HMCN1: variants seen among roughly 807,000 people sequenced by gnomAD.
The protein encoded by HMCN1 is hemicentin-1.
Under a neutral mutation model 625.9 loss-of-function variants are expected in HMCN1, and 321 were observed. The ratio of observed to expected loss-of-function variants is 0.51; its 90% CI spans 0.47 to 0.56. The LOEUF is 0.56. HMCN1 is among the 20% of genes least tolerant of loss of function. HMCN1 has a pLI of 0.00. For synonymous variants in HMCN1, 2,425 were observed against 2,417.6 expected, an observed-to-expected ratio of 1.00 and a Z score of -0.09; for missense variants, 6,588 against 6,887.3, an observed-to-expected ratio of 0.96 and a Z score of 1.54.
intron 1 of HMCN1, among the ~76,000 whole-genome samples, chr1:185,758,452 A>G (rs1478342165): frequency 6.6e-6 from 1 of 152,126 alleles, no homozygotes; most frequent in Non-Finnish European, 1.5e-5. Flanking sequence ...CTTGGGTGAC[A>G]TGGCAAAACT....
chr1:186,075,399 G>A (rs1283347944), intron 53 of HMCN1, among the ~76,000 whole-genome samples: 1 of 151,876 alleles, frequency 6.6e-6, no homozygotes, highest in East Asian at 1.9e-4. Flanking sequence ...ATAAATAAAT[G>A]TAAAAATAAA....
chr1:185,876,431 G>A (rs1193456312), intron 4 of HMCN1, among the ~76,000 whole-genome samples: 2 of 152,030 alleles, frequency 1.3e-5, no homozygotes, highest in African/African-American at 4.8e-5. Flanking sequence ...ATATCCAGTA[G>A]TGGGTTTGCT....
chr1:186,016,643 T>C (rs1438932076), intron 32 of HMCN1, among the ~76,000 whole-genome samples: 3 of 152,092 alleles, frequency 2.0e-5, no homozygotes, highest in Admixed American at 1.3e-4. Context: ...TTTGAATAGA[T>C]GCCCAATTTT....
chr1:186,112,921 A>G lies in HMCN1; in HGVS notation c.11099A>G (p.Lys3700Arg). The change falls in exon 72 of 107, where the codon AAG (lysine) becomes AGG (arginine). Residue 3700 changes from lysine to arginine, a missense_variant. By Grantham distance (26) the Lys-to-Arg change is conservative. Around this residue, in one of 3 missense-constraint regions of HMCN1, gnomAD observed 4,628 missense variants for 4,853.1 expected, o/e 0.95. Transcript: ENST00000271588. ...YTCVASNIAG[K>R]TTREFILTVN... The stretch of plus-strand genomic sequence containing the variant: ...TGTGTTGCCAGCAACATTGCAGGAA[A>G]GACTACAAGAGAATTTATTCTCACT... 6.2e-7 allele frequency: 1 copy of G among 1,614,176 alleles called. No individual in the cohort carries two copies. Among genetic ancestry groups the G allele is most frequent in the Non-Finnish European group, 8.5e-7 (1 of 1,180,012 alleles).
intron 4 of HMCN1, among the ~76,000 whole-genome samples, chr1:185,905,246 CTT>C: frequency 6.6e-6 from 1 of 151,742 alleles, no homozygotes; most frequent in African/African-American, 2.4e-5. Flanking sequence ...TTCTCTCTCT[CTT>C]GTCCTTTTCT....
chr1:186,164,796 G>A lies in HMCN1; in HGVS notation c.15257-315G>A, dbSNP rs1651772288. ...GCAATGGCTGGAAGAACAGGACTTT[G>A]CCCATGGTTATGCCTGGCATATACA... is the stretch of plus-strand genomic sequence containing the variant. On this transcript the variant is annotated intron_variant, in intron 97 of 106. Transcript: ENST00000271588. Among the ~76,000 whole-genome samples the A allele has an allele frequency of 2.6e-5, 4 of 152,288 alleles. No homozygotes were observed. In the South Asian group the frequency reaches 8.3e-4, roughly 32 times the overall value.
intron 41 of HMCN1, among the ~76,000 whole-genome samples, chr1:186,047,475 T>A (rs1656652806): frequency 6.6e-6 from 1 of 152,140 alleles, no homozygotes; most frequent in Non-Finnish European, 1.5e-5. Context: ...AACACAATCC[T>A]AATTAGTCAG....
intron 11 of HMCN1, among the ~76,000 whole-genome samples, chr1:185,942,096 C>T (rs903936116): frequency 6.7e-6 from 1 of 149,170 alleles, no homozygotes; most frequent in South Asian, 2.1e-4. Flanking sequence ...GAGGATGAGG[C>T]GGGAGAATCA....
chr1:185,779,480 G>C (rs1267792756), intron 1 of HMCN1, among the ~76,000 whole-genome samples: 1 of 152,194 alleles, frequency 6.6e-6, no homozygotes, highest in Non-Finnish European at 1.5e-5. Context: ...ATGGTTTTAG[G>C]TCTAACATTT....
rs1384543195 is a variant in HMCN1, at chr1:186,041,017, T to C, written c.6185T>C (p.Leu2062Pro). ...TAGCGTTCTTACCATTGATAGGTTC[T>C]CTCTGGTGGTCGAATCCTAGCATTG... ...VSSFSNGLQV[L>P]SGGRILALTS... is the part of the protein sequence containing the mutation. The change falls in exon 40 of 107, where the codon CTC becomes CCC. Residue 2062 changes from leucine to proline, a missense_variant. Around this residue, in one of 3 missense-constraint regions of HMCN1, gnomAD observed 4,628 missense variants for 4,853.1 expected, o/e 0.95. Coordinates refer to ENST00000271588, the MANE Select transcript of HMCN1 (RefSeq NM_031935.3). 1.2e-6 allele frequency: 2 copies of C among 1,612,960 alleles called. No individual in the cohort carries two copies. The highest frequency in any genetic ancestry group is 1.7e-6 in the Non-Finnish European group (2 of 1,179,190).
intron 4 of HMCN1, among the ~76,000 whole-genome samples, chr1:185,900,839 G>A (rs1007156397): frequency 1.3e-5 from 2 of 151,790 alleles, no homozygotes; most frequent in African/African-American, 4.8e-5. Flanking sequence ...TCCTTTTATT[G>A]TCCGAAGGGC....
At chr1:186,184,005 C>G (rs931070598) in intron 105 of HMCN1, among the ~76,000 whole-genome samples, 1 of 152,172 alleles carries the variant, frequency 6.6e-6, no homozygotes, top group Non-Finnish European at 1.5e-5. Flanking sequence ...CGCACAACCC[C>G]TTAGCCAGAT....
At chr1:185,954,837 T>G (rs921171884) in intron 11 of HMCN1, among the ~76,000 whole-genome samples, 2 of 152,170 alleles carry the variant, frequency 1.3e-5, no homozygotes, top group Admixed American at 1.3e-4. Context: ...AAATGGAATT[T>G]CTTATGCCCT....
At chr1:185,953,354 T>A (rs1361790596) in intron 11 of HMCN1, among the ~76,000 whole-genome samples, 1 of 151,766 alleles carries the variant, frequency 6.6e-6, no homozygotes, top group African/African-American at 2.4e-5. Context: ...CTGACACCCT[T>A]GAAACGTGGG....
chr1:186,038,146 A>G (rs1655958553), intron 37 of HMCN1, 111 bp downstream of exon 37: 2 of 733,720 alleles, frequency 2.7e-6, no homozygotes, highest in African/African-American at 1.7e-5. Context: ...GTTATAGAAT[A>G]CATTTCATGG....
At chr1:186,172,719 AAG>A (rs1402731017) in intron 102 of HMCN1, among the ~76,000 whole-genome samples, 7 of 152,294 alleles carry the variant, frequency 4.6e-5, no homozygotes, top group African/African-American at 1.7e-4. Context: ...ACAAAAATAA[AAG>A]AGAGATACCA....
At chr1:185,963,434 C>T (rs1357294536) in intron 12 of HMCN1, among the ~76,000 whole-genome samples, 1 of 152,112 alleles carries the variant, frequency 6.6e-6, no homozygotes, top group Non-Finnish European at 1.5e-5. Context: ...CATTTACTAA[C>T]TCTGGCTTTG....
At chr1:185,991,374 C>G (rs989584376) in intron 22 of HMCN1, among the ~76,000 whole-genome samples, 1 of 152,082 alleles carries the variant, frequency 6.6e-6, no homozygotes, top group African/African-American at 2.4e-5. Context: ...TAATACAGAT[C>G]AGAAAGTTTT....
chr1:185,861,341 A>G (rs1272630383), intron 2 of HMCN1, among the ~76,000 whole-genome samples: 1 of 152,232 alleles, frequency 6.6e-6, no homozygotes, highest in Non-Finnish European at 1.5e-5. Flanking sequence ...TGGTACACAC[A>G]TGACAATTAG....
Sources: allele counts gnomAD v4.1 joint callset (sites outside exome capture counted in the v4.1 genomes callset), GRCh38; gene constraint gnomAD v4.1.1; regional missense constraint gnomAD v4.1.1; transcripts MANE v1.5; gene names NCBI Gene and HGNC (gene_info 2026-07-23, HGNC 2026-07-21).